Variants in USP34 observed in about 807,000 individuals in gnomAD.
USP34 encodes the protein ubiquitin carboxyl-terminal hydrolase 34.
Under a neutral mutation model 460.3 loss-of-function variants are expected in USP34, and 70 were observed. The ratio of observed to expected loss-of-function variants is 0.15; its 90% CI spans 0.13 to 0.19. The LOEUF is 0.19. Ranked by LOEUF, USP34 falls within the 10% of genes least tolerant of loss-of-function variation. The pLI is 1.00. For missense variants in USP34, 3,985 were observed against 4,236.2 expected, an observed-to-expected ratio of 0.94 and a Z score of 1.65; for synonymous variants, 1,647 against 1,405.3, an observed-to-expected ratio of 1.17 and a Z score of -3.85.
intron 43 of USP34, among the ~76,000 whole-genome samples, chr2:61,262,635 T>C (rs1350401466): frequency 3.3e-5 from 5 of 152,186 alleles, no homozygotes; most frequent in African/African-American, 1.2e-4. Flanking sequence ...TGAACACTGC[T>C]GTGGTAAACA....
chr2:61,203,029 T>C (rs1687019518), intron 75 of USP34, 111 bp downstream of exon 75: 2 of 1,156,838 alleles, frequency 1.7e-6, no homozygotes, highest in Admixed American at 2.7e-5. Context: ...TTTTTAAGCA[T>C]TCACTTTAAA....
chr2:61,348,525 A>G, intron 14 of USP34, 45 bp from the exon 15 acceptor site: 1 of 1,567,958 alleles, frequency 6.4e-7, no homozygotes, highest in South Asian at 1.2e-5. Context: ...TTAAACCAGT[A>G]AGAAAAAAGG....
intron 34 of USP34, 27 bp from the exon 35 acceptor site, chr2:61,284,984 T>G: frequency 6.4e-7 from 1 of 1,560,764 alleles, no homozygotes; most frequent in East Asian, 2.3e-5. Context: ...TTTTAAAAGA[T>G]ATTTAAATAC....
At chr2:61,382,131 T>C (rs938631630) in intron 6 of USP34, among the ~76,000 whole-genome samples, 3 of 152,192 alleles carry the variant, frequency 2.0e-5, no homozygotes, top group Admixed American at 1.3e-4. Context: ...AACCTTTCAA[T>C]TGGTCTCCTC....
At chr2:61,348,543 C>G in intron 14 of USP34, 63 bp from the exon 15 acceptor site, 1 of 1,538,672 alleles carries the variant, frequency 6.5e-7, no homozygotes, top group Non-Finnish European at 8.7e-7. Flanking sequence ...AGGTAACCAA[C>G]ATTAATAAAC....
At chr2:61,234,581 A>C (rs186445181) in intron 57 of USP34, among the ~76,000 whole-genome samples, 2 of 152,250 alleles carry the variant, frequency 1.3e-5, no homozygotes, top group African/African-American at 4.8e-5. Flanking sequence ...TAAGAGAGGG[A>C]TGGAAGAAAT....
intron 25 of USP34, among the ~76,000 whole-genome samples, chr2:61,312,422 G>T (rs955032956): frequency 2.0e-5 from 3 of 151,228 alleles, no homozygotes; most frequent in Non-Finnish European, 4.4e-5. Flanking sequence ...TATTTCAAAG[G>T]AAACAGGCAC....
At chr2:61,277,921 T>C (rs576553623) in intron 41 of USP34, 19 of 437,534 alleles carry the variant, frequency 4.3e-5, no homozygotes, top group African/African-American at 3.2e-4. Flanking sequence ...CTCATTCTTT[T>C]TTTGCCTGCC....
chr2:61,278,107 T>C, intron 41 of USP34, 58 bp downstream of exon 41: 1 of 1,592,678 alleles, frequency 6.3e-7, no homozygotes, highest in Non-Finnish European at 8.6e-7. Context: ...ATACACAATG[T>C]AACAACAAAA....
chr2:61,229,209 T>G (rs1415382854), intron 59 of USP34, among the ~76,000 whole-genome samples: 1 of 152,030 alleles, frequency 6.6e-6, no homozygotes, highest in Non-Finnish European at 1.5e-5. Flanking sequence ...GATGCAAAAT[T>G]TAAATAAAAC....
intron 58 of USP34, among the ~76,000 whole-genome samples, chr2:61,230,589 T>C (rs1225084703): frequency 6.6e-6 from 1 of 151,978 alleles, no homozygotes; most frequent in African/African-American, 2.4e-5. Flanking sequence ...GTGGCTGTAG[T>C]AACAGCACAC....
intron 11 of USP34, 26 bp downstream of exon 11, chr2:61,350,542 A>G: frequency 1.9e-6 from 3 of 1,574,364 alleles, no homozygotes; most frequent in Non-Finnish European, 2.6e-6. Context: ...GAAAAAAAAA[A>G]AACTATCATG....
chr2:61,434,699 C>G (rs907304928), intron 1 of USP34, among the ~76,000 whole-genome samples: 1 of 152,012 alleles, frequency 6.6e-6, no homozygotes. Context: ...GGCCAACACA[C>G]TCCACTGATC....
At chr2:61,421,802 C>T (rs1024140498) in intron 1 of USP34, among the ~76,000 whole-genome samples, 7 of 152,002 alleles carry the variant, frequency 4.6e-5, no homozygotes, top group African/African-American at 1.4e-4. Flanking sequence ...CACACACGCG[C>T]GCGCGCGCAC....
At chr2:61,365,785 A>T (rs1692418573) in intron 10 of USP34, among the ~76,000 whole-genome samples, 1 of 152,164 alleles carries the variant, frequency 6.6e-6, no homozygotes, top group Admixed American at 6.5e-5. Flanking sequence ...TGGGAGGTGG[A>T]AAATGAGAAA....
intron 15 of USP34, among the ~76,000 whole-genome samples, chr2:61,347,110 G>A (rs369922101): frequency 4.0e-5 from 6 of 151,308 alleles, no homozygotes; most frequent in South Asian, 2.1e-4. Context: ...ACTGCACTCC[G>A]GCCTGGGCAA....
intron 5 of USP34, among the ~76,000 whole-genome samples, chr2:61,388,026 G>T (rs1201369651): frequency 6.6e-6 from 1 of 151,616 alleles, no homozygotes; most frequent in Non-Finnish European, 1.5e-5. Context: ...CAGGACTTTG[G>T]AAGGCCAAGG....
intron 3 of USP34, among the ~76,000 whole-genome samples, chr2:61,404,654 C>A (rs1693816855): frequency 6.6e-6 from 1 of 152,186 alleles, no homozygotes; most frequent in African/African-American, 2.4e-5. Context: ...CTGCCACACA[C>A]ACAAGTGCGA....
chr2:61,385,671 CA>C (rs61200102), intron 5 of USP34, among the ~76,000 whole-genome samples: 8,954 of 45,524 alleles, frequency 0.2, 260 homozygotes, highest in South Asian at 0.38. Flanking sequence ...GACTCTGTCT[CA>C]AAAAAAAAAA....
Sources: gnomAD v4.1 joint callset for allele counts (sites outside exome capture counted in the v4.1 genomes callset) on GRCh38, gnomAD v4.1.1 for gene constraint, MANE v1.5 for transcripts, NCBI Gene and HGNC (gene_info 2026-07-23, HGNC 2026-07-21) for gene names.